Variants in LIN7A observed in about 807,000 individuals in gnomAD.
LIN7A encodes the protein protein lin-7 homolog A.
Under a neutral mutation model 29.8 loss-of-function variants are expected in LIN7A, and 25 were observed. That is an observed-to-expected ratio of 0.84 (90% CI 0.61 to 1.17). LIN7A has a LOEUF of 1.17. Ranked by LOEUF, LIN7A falls within the 50% of genes most tolerant of loss-of-function variation. LIN7A has a pLI of 0.00. For missense variants in LIN7A, 239 were observed against 287.0 expected (o/e 0.83, Z 1.21); for synonymous variants, 118 against 107.5 (o/e 1.10, Z -0.60).
intron 5 of LIN7A, among the ~76,000 whole-genome samples, chr12:80,800,489 CAAAAAAAAAAAA>C (rs55772850): frequency 1.5e-3 from 56 of 38,082 alleles, no homozygotes; most frequent in African/African-American, 4.7e-3. Context: ...AACTCCGTCT[CAAAAAAAAAAAA>C]AAAAAAAAAA....
At chr12:80,804,843 C>T (rs374150813) in intron 5 of LIN7A, among the ~76,000 whole-genome samples, 10 of 152,080 alleles carry the variant, frequency 6.6e-5, no homozygotes, top group East Asian at 1.9e-4. Flanking sequence ...TGTGAGCCAC[C>T]GTGCCTGGCA....
At chr12:80,876,260 G>A (rs529385380) in intron 2 of LIN7A, among the ~76,000 whole-genome samples, 3 of 152,194 alleles carry the variant, frequency 2.0e-5, no homozygotes, top group Admixed American at 6.5e-5. Flanking sequence ...TAGTAATGAA[G>A]GGATGAGAAC....
chr12:80,882,841 G>T (rs1258998123), intron 2 of LIN7A, among the ~76,000 whole-genome samples: 1 of 152,040 alleles, frequency 6.6e-6, no homozygotes, highest in Admixed American at 6.5e-5. Context: ...ACAATCCTAT[G>T]TAGTTATTAT....
rs919191541 is a variant in LIN7A, at chr12:80,859,063, G to T, written c.202-10741C>A. Among the ~76,000 whole-genome samples, 6 of 152,092 alleles carry T rather than the reference G, an allele frequency of 3.9e-5. No individual in the cohort carries two copies. The East Asian group carries it at 7.7e-4, about 19-fold the overall frequency. On this transcript the variant is annotated intron_variant, in intron 2 of 5. Coordinates refer to ENST00000552864, the MANE Select transcript of LIN7A (RefSeq NM_004664.4). ...GCTAATAATAAGGTTGCCAGATGTA[G>T]CAATAAAAATATTGGATGCCCAATT...
intron 4 of LIN7A, among the ~76,000 whole-genome samples, chr12:80,843,932 G>T (rs1360716126): frequency 6.6e-6 from 1 of 151,844 alleles, no homozygotes; most frequent in East Asian, 1.9e-4. Flanking sequence ...GGTCTGTTTA[G>T]CTCCCTTATA....
intron 2 of LIN7A, among the ~76,000 whole-genome samples, chr12:80,854,478 T>G (rs1384491369): frequency 9.4e-6 from 1 of 106,046 alleles, no homozygotes; most frequent in Non-Finnish European, 1.8e-5. Flanking sequence ...AAATGCATGT[T>G]GCTAAGCCAA....
intron 5 of LIN7A, among the ~76,000 whole-genome samples, chr12:80,810,710 G>T (rs1871246810): frequency 1.3e-5 from 2 of 152,150 alleles, no homozygotes; most frequent in East Asian, 3.9e-4. Flanking sequence ...CCCACCAACG[G>T]TGTACAAGGG....
intron 1 of LIN7A, 151 bp from the exon 2 acceptor site, chr12:80,889,520 T>C (rs941920818): frequency 3.0e-5 from 18 of 595,606 alleles, no homozygotes; most frequent in Non-Finnish European, 3.0e-6. Flanking sequence ...TTTGGTCTCA[T>C]CTTTTGGTAA....
At chr12:80,850,385 T>G (rs1873271266) in intron 2 of LIN7A, among the ~76,000 whole-genome samples, 1 of 152,210 alleles carries the variant, frequency 6.6e-6, no homozygotes, top group African/African-American at 2.4e-5. Context: ...AAAAGTTAGC[T>G]ATCATTGTTA....
chr12:80,931,206 T>C (rs1375343363), intron 1 of LIN7A, among the ~76,000 whole-genome samples: 1 of 152,242 alleles, frequency 6.6e-6, no homozygotes, highest in East Asian at 1.9e-4. Context: ...ATTAATTTCA[T>C]AACTGACAGG....
chr12:80,904,580 A>C (rs1876381200), intron 1 of LIN7A, among the ~76,000 whole-genome samples: 1 of 152,166 alleles, frequency 6.6e-6, no homozygotes, highest in Non-Finnish European at 1.5e-5. Context: ...CATGTCTTTC[A>C]GATCCATCAT....
rs567860397 is a variant in LIN7A, at chr12:80,884,036, A to G, written c.201+5215T>C. 6.6e-5 allele frequency among the ~76,000 whole-genome samples: 10 copies of G among 152,358 alleles called. No homozygotes were observed. In the South Asian group the frequency reaches 2.1e-3, roughly 32 times the overall value. On this transcript the variant is annotated intron_variant, in intron 2 of 5. Transcript: ENST00000552864. Reference sequence around the variant, plus strand: ...GTTCATAAGACAAAAAAATCTCTTTATAAAGATAATAATGAAAGTAGGAGA... The same window carrying G: ...GTTCATAAGACAAAAAAATCTCTTTGTAAAGATAATAATGAAAGTAGGAGA...
At chr12:80,832,068 T>A (rs930835540) in intron 4 of LIN7A, among the ~76,000 whole-genome samples, 1 of 152,222 alleles carries the variant, frequency 6.6e-6, no homozygotes, top group Non-Finnish European at 1.5e-5. Flanking sequence ...ATATTGTGCC[T>A]TCTAGATTTA....
At chr12:80,859,057 G>C (rs190332685) in intron 2 of LIN7A, among the ~76,000 whole-genome samples, 5 of 152,256 alleles carry the variant, frequency 3.3e-5, no homozygotes, top group African/African-American at 1.2e-4. Flanking sequence ...AAGGTTGCCA[G>C]ATGTAGCAAT....
chr12:80,816,553 TA>T (rs1871547823), intron 4 of LIN7A, among the ~76,000 whole-genome samples: 1 of 152,084 alleles, frequency 6.6e-6, no homozygotes, highest in African/African-American at 2.4e-5. Flanking sequence ...ACTAAACTGA[TA>T]TAAAAACCAT....
intron 1 of LIN7A, among the ~76,000 whole-genome samples, chr12:80,892,090 A>G (rs1418566124): frequency 6.6e-6 from 1 of 151,986 alleles, no homozygotes; most frequent in African/African-American, 2.4e-5. Flanking sequence ...TTCTTTGTTC[A>G]CTCATCTATT....
At chr12:80,833,047 T>C (rs1424909037) in intron 4 of LIN7A, among the ~76,000 whole-genome samples, 1 of 152,164 alleles carries the variant, frequency 6.6e-6, no homozygotes, top group African/African-American at 2.4e-5. Flanking sequence ...ACAAATGTAA[T>C]TGAGTGAAAA....
chr12:80,844,555 G>A (rs1392123303), intron 4 of LIN7A, among the ~76,000 whole-genome samples: 2 of 152,050 alleles, frequency 1.3e-5, no homozygotes, highest in Non-Finnish European at 2.9e-5. Flanking sequence ...AACTGAAATC[G>A]AGTTTATATA....
At chr12:80,905,724 A>G (rs1876443849) in intron 1 of LIN7A, among the ~76,000 whole-genome samples, 1 of 152,104 alleles carries the variant, frequency 6.6e-6, no homozygotes, top group Non-Finnish European at 1.5e-5. Context: ...CTCTAAGTTA[A>G]ATATCACTCT....
Sources: gnomAD v4.1 joint callset for allele counts (sites outside exome capture counted in the v4.1 genomes callset) on GRCh38, gnomAD v4.1.1 for gene constraint, MANE v1.5 for transcripts, NCBI Gene and HGNC (gene_info 2026-07-23, HGNC 2026-07-21) for gene names.